IQSEC3: variants seen among roughly 807,000 people sequenced by gnomAD.
IQSEC3 encodes IQ motif and Sec7 domain ArfGEF 3, also known as IQ motif and SEC7 domain-containing protein 3.
A neutral mutation model predicts 105.4 loss-of-function variants in IQSEC3; 50 were observed. The observed-to-expected ratio is 0.47, with a 90% CI of 0.38 to 0.60. The LOEUF is 0.60. Ranked by LOEUF, IQSEC3 falls within the 20% of genes least tolerant of loss-of-function variation. The pLI is 0.00. For synonymous variants in IQSEC3, 708 were observed against 746.0 expected (o/e 0.95, Z 0.83); for missense variants, 1,415 against 1,630.0 (o/e 0.87, Z 2.27).
chr12:81,699 G>C (rs1048369073), intron 1 of IQSEC3, among the ~76,000 whole-genome samples: 144 of 152,314 alleles, frequency 9.5e-4, no homozygotes, highest in African/African-American at 3.3e-3. Context: ...TTTGGAATGG[G>C]CTGGAGGTAT....
chr12:88,198 A>C (rs1159452046), intron 1 of IQSEC3, among the ~76,000 whole-genome samples: 2 of 152,232 alleles, frequency 1.3e-5, no homozygotes, highest in Non-Finnish European at 2.9e-5. Context: ...TCAGAGCTTC[A>C]TTAGTTGAAT....
chr12:125,413 T>C (rs1488676005), intron 2 of IQSEC3, among the ~76,000 whole-genome samples: 1 of 152,084 alleles, frequency 6.6e-6, no homozygotes, highest in African/African-American at 2.4e-5. Flanking sequence ...GCCCCTTCCC[T>C]CTGTCTGAGC....
intron 2 of IQSEC3, among the ~76,000 whole-genome samples, chr12:106,284 A>C (rs1285872414): frequency 6.6e-6 from 1 of 152,242 alleles, no homozygotes; most frequent in Non-Finnish European, 1.5e-5. Flanking sequence ...CCACCAGGGC[A>C]GGAGGATAGC....
At chr12:156,836 G>A (rs1866703281) in intron 5 of IQSEC3, among the ~76,000 whole-genome samples, 189 bp from the exon 6 acceptor site, 1 of 152,150 alleles carries the variant, frequency 6.6e-6, no homozygotes, top group African/African-American at 2.4e-5. Context: ...TCAGGGTTTG[G>A]GTTCCGAAAG....
intron 3 of IQSEC3, among the ~76,000 whole-genome samples, chr12:129,127 C>T (rs529720182): frequency 6.6e-6 from 1 of 152,350 alleles, no homozygotes; most frequent in East Asian, 1.9e-4. Flanking sequence ...CCTGTTGCCT[C>T]CTCTGTGCTG....
rs78132035 is a variant in IQSEC3, at chr12:156,635, G to A, written c.2154-390G>A. Among the ~76,000 whole-genome samples, 1,455 of 152,330 alleles carry A rather than the reference G, an allele frequency of 9.6e-3. 24 individuals are homozygous for A. Among genetic ancestry groups the A allele is most frequent in the African/African-American group, 0.03 (1,253 of 41,562 alleles). On this transcript the variant is annotated intron_variant, in intron 5 of 13. Transcript: ENST00000538872. ...ATGAGAAAGTGAAATTTAAACCTGG[G>A]AGAAACACAGGCTCCTAGCGGGTCT...
At chr12:163,914 T>C (rs547847059) in intron 9 of IQSEC3, among the ~76,000 whole-genome samples, 1 of 152,024 alleles carries the variant, frequency 6.6e-6, no homozygotes, top group African/African-American at 2.4e-5. Context: ...CTCTCCACGT[T>C]ACAGGAAGCC....
intron 3 of IQSEC3, among the ~76,000 whole-genome samples, chr12:134,998 C>T (rs971893135): frequency 1.4e-4 from 22 of 152,152 alleles, no homozygotes; most frequent in African/African-American, 4.8e-4. Context: ...GGCACAGTGG[C>T]GCACACCTGT....
rs77695034 is a variant in IQSEC3, at chr12:164,468, C to A, written c.2709+849C>A. ...TGGGAGGCGCCTCCCTCCTGTGGGCCAGGCCTTTGTACTTGCTGCTCCTTC... is the reference window on the plus strand; with the variant it reads ...TGGGAGGCGCCTCCCTCCTGTGGGCAAGGCCTTTGTACTTGCTGCTCCTTC... On this transcript the variant is annotated intron_variant, in intron 9 of 13. Coordinates refer to ENST00000538872, the MANE Select transcript of IQSEC3 (RefSeq NM_001170738.2). Among the ~76,000 whole-genome samples the A allele has an allele frequency of 3.6e-3, 542 of 152,272 alleles. 4 individuals carry two copies. Among genetic ancestry groups the A allele is most frequent in the African/African-American group, 0.012 (512 of 41,546 alleles).
At chr12:168,113 A>C (rs782498000) in intron 11 of IQSEC3, among the ~76,000 whole-genome samples, 3 of 152,216 alleles carry the variant, frequency 2.0e-5, no homozygotes, top group Admixed American at 6.5e-5. Flanking sequence ...GAGTAGCTTT[A>C]ATAAAAGGAA....
rs375972399 is a variant in IQSEC3, at chr12:99,844, C to T, written c.623+630C>T. 3.5e-4 allele frequency among the ~76,000 whole-genome samples: 53 copies of T among 152,266 alleles called. 1 individual carries two copies. The highest frequency in any genetic ancestry group is 1.2e-3 in the Admixed American group (19 of 15,294). On this transcript the variant is annotated intron_variant, in intron 2 of 13. Coordinates refer to ENST00000538872, the MANE Select transcript of IQSEC3 (RefSeq NM_001170738.2). ...GCTTCCTGGAGTTCCGTCTCCGTCC[C>T]GTGATCAGCCTTCTCCCTCCGCATC...
At chr12:74,347 A>T (rs574955420) in intron 1 of IQSEC3, among the ~76,000 whole-genome samples, 1,789 of 152,198 alleles carry the variant, frequency 0.012, 27 homozygotes, top group African/African-American at 0.041. Context: ...CTTACATGAG[A>T]TATCTTCCAG....
At chr12:80,903 G>A (rs1863723384) in intron 1 of IQSEC3, among the ~76,000 whole-genome samples, 1 of 152,208 alleles carries the variant, frequency 6.6e-6, no homozygotes, top group Non-Finnish European at 1.5e-5. Flanking sequence ...AGCTAGCATA[G>A]AGGCCAAGGG....
Position 161,911 on chromosome 12 carries a change from A to G in IQSEC3, c.2444-15A>G, listed in dbSNP as rs1299552903. 2 of 1,448,020 alleles carry G rather than the reference A, an allele frequency of 1.4e-6. No individual in the cohort carries two copies. Among genetic ancestry groups the G allele is most frequent in the East Asian group, 6.1e-5 (2 of 32,750 alleles). The allele number at this position is 1,448,020 out of a possible 1,614,324, so 89.7% of individuals were successfully genotyped here. ...CCCAACCCCACCACCACCCCTGCCCACTCCACGTTGTTAGGTGTGGACGAT... is the reference window on the plus strand; with the variant it reads ...CCCAACCCCACCACCACCCCTGCCCGCTCCACGTTGTTAGGTGTGGACGAT... On this transcript the variant is annotated splice_polypyrimidine_tract_variant and intron_variant, in intron 7 of 13. Transcript: ENST00000538872.
At chr12:168,075 C>T (rs1938769478) in intron 11 of IQSEC3, among the ~76,000 whole-genome samples, 1 of 152,052 alleles carries the variant, frequency 6.6e-6, no homozygotes, top group African/African-American at 2.4e-5. Context: ...TTCTAGACAA[C>T]CAGAGAGACT....
intron 12 of IQSEC3, among the ~76,000 whole-genome samples, chr12:169,710 C>G (rs1938869496): frequency 1.3e-5 from 2 of 152,164 alleles, no homozygotes; most frequent in Non-Finnish European, 2.9e-5. Context: ...CTTTGGCCTG[C>G]CCCAACCTTA....
At chr12:121,988 C>A (rs1466745664) in intron 2 of IQSEC3, among the ~76,000 whole-genome samples, 1 of 152,200 alleles carries the variant, frequency 6.6e-6, no homozygotes, top group African/African-American at 2.4e-5. Context: ...ATGTTCTTTG[C>A]CCTCCACGAT....
chr12:138,399 C>T lies in IQSEC3; in HGVS notation c.1036C>T (p.Arg346Cys), dbSNP rs781883253. 6.2e-6 allele frequency: 10 copies of T among 1,610,098 alleles called. No homozygotes were observed. In the South Asian group the frequency reaches 7.7e-5, roughly 12 times the overall value. The change falls in exon 4 of 14, where the codon CGC becomes TGC. Residue 346 changes from arginine (R) to cysteine (C), a missense_variant. This residue lies in a region of IQSEC3 where 720 missense variants were observed against 633.0 expected (regional missense o/e 1.14). Coordinates refer to ENST00000538872, the MANE Select transcript of IQSEC3 (RefSeq NM_001170738.2). The surrounding 1 kb of genome is among the most constrained non-coding windows in gnomAD (Gnocchi z 7.1). ...AATCCGCAACTCGCTTCTGGAGAGC[C>T]GCCTGCCACGGCGGATCTCCCTGCG... is the stretch of plus-strand genomic sequence containing the variant. ...EKIRNSLLES[R>C]LPRRISLRKV...
intron 2 of IQSEC3, among the ~76,000 whole-genome samples, chr12:100,599 G>T (rs1423419977): frequency 2.0e-5 from 3 of 152,170 alleles, no homozygotes; most frequent in Non-Finnish European, 4.4e-5. Context: ...TAAATCCAGG[G>T]CTGAGGGAGG....
Sources: allele counts gnomAD v4.1 joint callset (sites outside exome capture counted in the v4.1 genomes callset), GRCh38; gene constraint gnomAD v4.1.1; regional missense constraint gnomAD v4.1.1; non-coding constraint Gnocchi (gnomAD v3.1); transcripts MANE v1.5; gene names NCBI Gene and HGNC (gene_info 2026-07-23, HGNC 2026-07-21).